The following TMEM132B variants were observed in gnomAD, a reference collection of about 807,000 sequenced individuals.
TMEM132B encodes transmembrane protein 132B.
TMEM132B carries 18 observed loss-of-function variants against 90.8 expected under a neutral mutation model. That is an observed-to-expected ratio of 0.20 (90% CI 0.14 to 0.29). The LOEUF (loss-of-function observed/expected upper bound fraction) is 0.29, where lower values mean the gene tolerates loss of function less well. TMEM132B is among the 10% of genes least tolerant of loss of function. The probability of loss-of-function intolerance (pLI) is 1.00; values close to 1 mark genes in which losing one functional copy is unlikely to be tolerated. For missense variants in TMEM132B, 1,096 were observed against 1,326.8 expected (o/e 0.83, Z 2.70); for synonymous variants, 504 against 523.3 (o/e 0.96, Z 0.50).
intron 1 of TMEM132B, among the ~76,000 whole-genome samples, chr12:125,242,918 T>A (rs1371193944): frequency 6.6e-6 from 1 of 151,808 alleles, no homozygotes; most frequent in Non-Finnish European, 1.5e-5. Flanking sequence ...CACCTCTCTC[T>A]AGTCCTAGAA....
At chr12:125,239,090 A>T (rs1299061647) in intron 1 of TMEM132B, among the ~76,000 whole-genome samples, 1 of 151,974 alleles carries the variant, frequency 6.6e-6, no homozygotes, top group East Asian at 1.9e-4. Flanking sequence ...CTGGTATGGG[A>T]AGGTCAGGGA....
chr12:125,590,696 G>A (rs2136892141), intron 5 of TMEM132B, among the ~76,000 whole-genome samples: 1 of 152,306 alleles, frequency 6.6e-6, no homozygotes, highest in South Asian at 2.1e-4. Flanking sequence ...CTATCCGTAG[G>A]AGCTTACTAC....
intron 1 of TMEM132B, among the ~76,000 whole-genome samples, chr12:125,239,388 G>GA (rs890934058): frequency 2.6e-5 from 4 of 151,948 alleles, no homozygotes; most frequent in Admixed American, 6.5e-5. Context: ...ACGGCTTTAA[G>GA]AAAAAAAATT....
intron 5 of TMEM132B, among the ~76,000 whole-genome samples, chr12:125,603,254 C>A (rs914242999): frequency 6.6e-6 from 1 of 152,158 alleles, no homozygotes. Flanking sequence ...GGTACCAAAA[C>A]AGTCATATAG....
chr12:125,352,526 A>G (rs1437232720), intron 2 of TMEM132B, among the ~76,000 whole-genome samples: 1 of 152,236 alleles, frequency 6.6e-6, no homozygotes, highest in Non-Finnish European at 1.5e-5. Context: ...TAGTTTCCCC[A>G]TTGGTATGAT....
At position 125,476,645 on chromosome 12, in the gene TMEM132B, A is replaced by G. The variant is rs1188081109; in HGVS notation, c.1107-42794A>G. Among the ~76,000 whole-genome samples the G allele has an allele frequency of 2.6e-5, 4 of 152,294 alleles. No homozygotes were observed. In the East Asian group the frequency reaches 7.7e-4, roughly 29 times the overall value. On this transcript the variant is annotated intron_variant, in intron 3 of 8. Transcript: ENST00000682704. ...TATGTTTTGGTGGGGTTGAGTTGCTAATATGAGTTGCTAATATGAGTTGGG... is the reference window on the plus strand; with the variant it reads ...TATGTTTTGGTGGGGTTGAGTTGCTGATATGAGTTGCTAATATGAGTTGGG...
intron 4 of TMEM132B, among the ~76,000 whole-genome samples, chr12:125,532,888 G>A (rs1443769256): frequency 6.6e-6 from 1 of 152,116 alleles, no homozygotes; most frequent in Admixed American, 6.5e-5. Flanking sequence ...ACTAGATTAT[G>A]TATCACAGTT....
chr12:125,515,342 TCA>T (rs1883096760), intron 3 of TMEM132B, among the ~76,000 whole-genome samples: 2 of 151,512 alleles, frequency 1.3e-5, no homozygotes, highest in Non-Finnish European at 2.9e-5. Flanking sequence ...ACACATTCTG[TCA>T]CACTCACACA....
chr12:125,437,201 C>T (rs1319968550), intron 3 of TMEM132B, among the ~76,000 whole-genome samples: 11 of 152,146 alleles, frequency 7.2e-5, no homozygotes, highest in African/African-American at 1.2e-4. Flanking sequence ...CCCGCTCCTC[C>T]CAGGTTTGGA....
At chr12:125,424,492 G>C (rs1291545400) in intron 3 of TMEM132B, among the ~76,000 whole-genome samples, 2 of 152,172 alleles carry the variant, frequency 1.3e-5, no homozygotes, top group African/African-American at 4.8e-5. Context: ...GTTTGTTTGC[G>C]AATGTTTTTC....
chr12:125,220,939 C>T lies in TMEM132B; in HGVS notation c.67+34073C>T, dbSNP rs77061463. Among the ~76,000 whole-genome samples the T allele has an allele frequency of 8.2e-3, 1,250 of 152,354 alleles. 17 individuals are homozygous for T. Among genetic ancestry groups the T allele is most frequent in the African/African-American group, 0.029 (1,191 of 41,574 alleles). ...CTCCTGTTGTCCCAGAGAGGCCCAG[C>T]ACCCATTTGCCCCAGGGCCTTTGCA... On this transcript the variant is annotated intron_variant, in intron 1 of 8. Transcript: ENST00000682704.
chr12:125,419,563 T>C (rs1880115119), intron 3 of TMEM132B, among the ~76,000 whole-genome samples: 1 of 152,188 alleles, frequency 6.6e-6, no homozygotes, highest in African/African-American at 2.4e-5. Flanking sequence ...CTTCCACATG[T>C]GGAAAATATG....
intron 5 of TMEM132B, among the ~76,000 whole-genome samples, chr12:125,642,871 G>A (rs538229833): frequency 6.6e-6 from 1 of 152,322 alleles, no homozygotes. Context: ...TCAAGCTACA[G>A]TGTAGAGCTG....
chr12:125,257,280 C>CGGGCAACAGAGAAAGACCGTCTCTGAA (rs1293772283), intron 1 of TMEM132B, among the ~76,000 whole-genome samples: 16 of 151,910 alleles, frequency 1.1e-4, no homozygotes, highest in Admixed American at 1.0e-3. Context: ...CACTTCAGGC[C>CGGGCAACAGAGAAAGACCGTCTCTGAA]GGGCAACAGA....
rs189288128 is a variant in TMEM132B at position 125,201,427 on chromosome 12, C to T, written c.67+14561C>T. Among the ~76,000 whole-genome samples, 224 of 152,360 alleles carry T rather than the reference C, an allele frequency of 1.5e-3. 1 individual carries two copies. The highest frequency in any genetic ancestry group is 2.1e-3 in the East Asian group (11 of 5,196). On this transcript the variant is annotated intron_variant, in intron 1 of 8. Transcript: ENST00000682704. ...TTTCCTTACTCCTCTTACTCCCTTT[C>T]TTTCTTCACGAAAGATTTAAATAAG... is the stretch of plus-strand genomic sequence containing the variant.
At chr12:125,337,387 C>T (rs764744625) in intron 1 of TMEM132B, among the ~76,000 whole-genome samples, 1 of 152,144 alleles carries the variant, frequency 6.6e-6, no homozygotes, top group African/African-American at 2.4e-5. Context: ...GTGGAGGTTC[C>T]AGGGCCGGGG....
chr12:125,563,147 G>GTAATAATAATAA (rs143547141), intron 4 of TMEM132B, among the ~76,000 whole-genome samples: 30 of 138,422 alleles, frequency 2.2e-4, no homozygotes, highest in South Asian at 4.9e-4. Flanking sequence ...ACCATAATGC[G>GTAATAATAATAA]TAATAATAAT....
At chr12:125,447,689 C>T (rs993804947) in intron 3 of TMEM132B, among the ~76,000 whole-genome samples, 2 of 152,128 alleles carry the variant, frequency 1.3e-5, no homozygotes, top group African/African-American at 4.8e-5. Context: ...GTCTCTGCTA[C>T]AGGTAAATGG....
chr12:125,315,952 T>G lies in TMEM132B; in HGVS notation c.68-33500T>G, dbSNP rs138457868. Among the ~76,000 whole-genome samples the G allele has an allele frequency of 4.0e-3, 608 of 152,206 alleles. 1 individual carries two copies. The highest frequency in any genetic ancestry group is 6.6e-3 in the Non-Finnish European group (448 of 68,002). On this transcript the variant is annotated intron_variant, in intron 1 of 8. Coordinates refer to ENST00000682704, the MANE Select transcript of TMEM132B (RefSeq NM_001366854.1). Reference sequence around the variant, plus strand: ...GGACCCTGGGTCACCACCCCCTGGATGTTGCAGAAATGGAAGATCAGCATC... The same window carrying G: ...GGACCCTGGGTCACCACCCCCTGGAGGTTGCAGAAATGGAAGATCAGCATC...
Sources: allele counts gnomAD v4.1 joint callset (sites outside exome capture counted in the v4.1 genomes callset), GRCh38; gene constraint gnomAD v4.1.1; transcripts MANE v1.5; gene names NCBI Gene and HGNC (gene_info 2026-07-23, HGNC 2026-07-21).